FAT3: variants seen among roughly 807,000 people sequenced by gnomAD.
FAT3 encodes the protein FAT atypical cadherin 3, also known as protocadherin Fat 3.
In FAT3, 95 loss-of-function variants were observed where a neutral mutation model predicts 310.2. That is an observed-to-expected ratio of 0.31 (90% confidence interval 0.26 to 0.36). FAT3 has a LOEUF of 0.36. Ranked by LOEUF, FAT3 falls within the 10% of genes least tolerant of loss-of-function variation. The pLI is 1.00. For missense variants in FAT3, 5,408 were observed against 5,715.6 expected, an observed-to-expected ratio of 0.95 and a Z score of 1.74; for synonymous variants, 2,314 against 2,192.9, an observed-to-expected ratio of 1.06 and a Z score of -1.54.
rs530988365 is a variant in FAT3, at chr11:92,677,478, A to G, written c.3608-19906A>G. ...CTGACCTCTTTTGTCTGATGGCAGC[A>G]GTTACATCCATCTCCCTGGAATTTT... On this transcript the variant is annotated intron_variant, in intron 3 of 27. Coordinates refer to ENST00000525166, the MANE Select transcript of FAT3 (RefSeq NM_001367949.2). 1.8e-4 allele frequency among the ~76,000 whole-genome samples: 28 copies of G among 152,364 alleles called. 3 individuals are homozygous for G. In the South Asian group the frequency reaches 5.8e-3, roughly 32 times the overall value.
chr11:92,867,051 T>C lies in FAT3; in HGVS notation c.11969T>C (p.Ile3990Thr). ...TTCCAGGGCTGCCTGGACTCGGTGA[T>C]ACTGAATAACAATGAGCTGCCGCTG... ...SGFQGCLDSV[I>T]LNNNELPLQN... is the part of the protein sequence containing the mutation. Residue 3990 changes from isoleucine (I) to threonine (T), a missense_variant, in exon 22 of 28, where the codon ATA (isoleucine) becomes ACA (threonine). By Grantham distance (89) the Ile-to-Thr change is moderately conservative. Around this residue, in one of 5 missense-constraint regions of FAT3, gnomAD observed 4,588 missense variants for 4,809.8 expected, o/e 0.95. Coordinates refer to ENST00000525166, the MANE Select transcript of FAT3 (RefSeq NM_001367949.2). 1.3e-6 allele frequency: 2 copies of C among 1,589,340 alleles called. No homozygotes were observed. Among genetic ancestry groups the C allele is most frequent in the Non-Finnish European group, 1.7e-6 (2 of 1,168,016 alleles).
chr11:92,540,383 T>C (rs1365182737), intron 3 of FAT3, among the ~76,000 whole-genome samples: 2 of 152,142 alleles, frequency 1.3e-5, no homozygotes, highest in Non-Finnish European at 2.9e-5. Context: ...ATTGCACTGG[T>C]GAAGTGGCCA....
intron 3 of FAT3, among the ~76,000 whole-genome samples, chr11:92,633,306 CT>C (rs967639417): frequency 1.7e-4 from 25 of 148,862 alleles, no homozygotes; most frequent in Admixed American, 2.0e-4. Flanking sequence ...TGGGCTCAGT[CT>C]TTTTTTTTTA....
At chr11:92,849,259 T>A (rs1224233017) in intron 19 of FAT3, among the ~76,000 whole-genome samples, 2 of 152,192 alleles carry the variant, frequency 1.3e-5, no homozygotes, top group East Asian at 3.9e-4. Flanking sequence ...TGCACAGATT[T>A]GAAAGAAACT....
intron 5 of FAT3, among the ~76,000 whole-genome samples, chr11:92,762,588 T>G (rs924141265): frequency 6.6e-5 from 10 of 152,184 alleles, no homozygotes; most frequent in Non-Finnish European, 1.2e-4. Context: ...CTTTTGAAAT[T>G]ATCAACAATG....
chr11:92,551,586 CT>C (rs1057014085), intron 3 of FAT3, among the ~76,000 whole-genome samples: 2 of 152,120 alleles, frequency 1.3e-5, no homozygotes, highest in Admixed American at 1.3e-4. Flanking sequence ...GGAATCTTTC[CT>C]TTTACAATTC....
chr11:92,705,926 GGT>G (rs1944326947), intron 4 of FAT3, among the ~76,000 whole-genome samples: 1 of 105,306 alleles, frequency 9.5e-6, no homozygotes, highest in African/African-American at 3.6e-5. Flanking sequence ...TGATGGTGGT[GGT>G]GTGATGGTGG....
At chr11:92,754,391 C>T (rs1466740673) in intron 4 of FAT3, among the ~76,000 whole-genome samples, 2 of 151,358 alleles carry the variant, frequency 1.3e-5, no homozygotes, top group Admixed American at 1.3e-4. Context: ...TTTGGGAGGC[C>T]GAGGCGGGCG....
intron 13 of FAT3, among the ~76,000 whole-genome samples, chr11:92,828,623 T>C (rs1948159556): frequency 6.6e-6 from 1 of 151,926 alleles, no homozygotes; most frequent in African/African-American, 2.4e-5. Context: ...GTCAGCAACT[T>C]GCAGGGGGAA....
intron 14 of FAT3, among the ~76,000 whole-genome samples, chr11:92,833,392 T>C (rs1265704899): frequency 6.6e-6 from 1 of 152,144 alleles, no homozygotes. Context: ...CCAGTAAATA[T>C]AAACAAGAAA....
rs2136449816 is a variant in FAT3 at position 92,891,010 on chromosome 11, A to G, written c.13667A>G (p.Asp4556Gly). 1.2e-6 allele frequency: 2 copies of G among 1,613,890 alleles called. No individual in the cohort carries two copies. Among genetic ancestry groups the G allele is most frequent in the Non-Finnish European group, 1.7e-6 (2 of 1,179,856 alleles). ...SSDVSANCGF[D>G]DSEVAMSDYE... ...GATGTGTCTGCCAACTGCGGCTTTG[A>G]CGATTCCGAAGTAGCCATGAGTGAC... is the stretch of plus-strand genomic sequence containing the variant. The change falls in exon 28 of 28, where the codon GAC becomes GGC. Residue 4556 changes from aspartate to glycine, a missense_variant. Asp to Gly is a moderately conservative substitution (Grantham distance 94, BLOSUM62 -1). Transcript: ENST00000525166.
In FAT3 at chr11:92,290,609, C is replaced by G. The variant is rs189519079; in HGVS notation, c.-17-61487C>G. Among the ~76,000 whole-genome samples, 68 of 151,486 alleles carry G rather than the reference C, an allele frequency of 4.5e-4. No homozygotes were observed. In the East Asian group the frequency reaches 0.011, roughly 25 times the overall value. Reference sequence around the variant, plus strand: ...CCATTTCCACACACACACAAAAATACAAAAATTAGCCGGTCTTGGTGGTGG... The same window carrying G: ...CCATTTCCACACACACACAAAAATAGAAAAATTAGCCGGTCTTGGTGGTGG... On this transcript the variant is annotated intron_variant, in intron 1 of 27. Coordinates refer to ENST00000525166, the MANE Select transcript of FAT3 (RefSeq NM_001367949.2).
intron 4 of FAT3, among the ~76,000 whole-genome samples, chr11:92,736,276 C>G (rs1393741890): frequency 6.6e-6 from 1 of 152,130 alleles, no homozygotes; most frequent in East Asian, 1.9e-4. Flanking sequence ...CCACAGCCTA[C>G]CAGTTTTGGG....
At position 92,792,991 on chromosome 11, in the gene FAT3, C is replaced by T. The variant is rs759028705; in HGVS notation, c.4822+14C>T. The T allele has an allele frequency of 6.8e-6, 11 of 1,611,176 alleles. No individual in the cohort carries two copies. In the South Asian group the frequency reaches 9.9e-5, roughly 15 times the overall value. On this transcript the variant is annotated intron_variant, in intron 9 of 27. Coordinates refer to ENST00000525166, the MANE Select transcript of FAT3 (RefSeq NM_001367949.2). ...CCATAGAAGCAGGTGAGAGCTGTTG[C>T]ACTGCACAGATTTCAGCATAATGCA...
intron 3 of FAT3, among the ~76,000 whole-genome samples, chr11:92,661,153 G>A (rs1054651305): frequency 5.3e-5 from 8 of 152,194 alleles, no homozygotes; most frequent in African/African-American, 1.9e-4. Context: ...CAGTAGAGCT[G>A]GGAGGCAAGG....
At chr11:92,720,717 CTCT>C (rs1944836919) in intron 4 of FAT3, among the ~76,000 whole-genome samples, 2 of 151,958 alleles carry the variant, frequency 1.3e-5, no homozygotes, top group South Asian at 2.1e-4. Flanking sequence ...TGTAATTTAA[CTCT>C]TCTTCATCTT....
At position 92,809,920 on chromosome 11, in the gene FAT3, G is replaced by A; in HGVS notation, c.9325G>A (p.Gly3109Ser). 6.2e-7 allele frequency: 1 copy of A among 1,613,880 alleles called. No individual in the cohort carries two copies. Among genetic ancestry groups the A allele is most frequent in the Non-Finnish European group, 8.5e-7 (1 of 1,179,738 alleles). The change falls in exon 13 of 28, where the codon GGT (glycine) becomes AGT (serine). Residue 3109 changes from glycine to serine, a missense_variant. Physicochemically the swap from Gly to Ser is moderately conservative, Grantham distance 56. Coordinates refer to ENST00000525166, the MANE Select transcript of FAT3 (RefSeq NM_001367949.2). ...YSLMAKATDG[G>S]GRFCQSNIHL... ...CCTGATGGCCAAGGCCACTGACGGGGGTGGCAGGTTCTGCCAGTCCAACAT... is the reference window on the plus strand; with the variant it reads ...CCTGATGGCCAAGGCCACTGACGGGAGTGGCAGGTTCTGCCAGTCCAACAT...
chr11:92,542,717 T>G (rs1267017278), intron 3 of FAT3, among the ~76,000 whole-genome samples: 1 of 152,054 alleles, frequency 6.6e-6, no homozygotes, highest in Non-Finnish European at 1.5e-5. Context: ...GGAACTATTA[T>G]GCACTGTTGA....
rs1441286949 is a variant in FAT3, at chr11:92,383,539, C to G, written c.3292+28135C>G. Among the ~76,000 whole-genome samples, 9 of 152,346 alleles carry G rather than the reference C, an allele frequency of 5.9e-5. No individual in the cohort carries two copies. In the East Asian group the frequency reaches 1.7e-3, roughly 29 times the overall value. ...TGAACATTTGGCTAGAAGGCCATGA[C>G]CTAATCCCAGCCATTAGGAAAAATG... On this transcript the variant is annotated intron_variant, in intron 2 of 27. Transcript: ENST00000525166.
Sources: gnomAD v4.1 joint callset for allele counts (sites outside exome capture counted in the v4.1 genomes callset) on GRCh38, gnomAD v4.1.1 for gene constraint, gnomAD v4.1.1 regional missense constraint, MANE v1.5 for transcripts, NCBI Gene and HGNC (gene_info 2026-07-23, HGNC 2026-07-21) for gene names.